VWC2L: variants seen among roughly 807,000 people sequenced by gnomAD.
VWC2L encodes the protein von Willebrand factor C domain containing 2 like.
In VWC2L, 10 loss-of-function variants were observed where a neutral mutation model predicts 21.6. That is an observed-to-expected ratio of 0.46 (90% CI 0.29 to 0.78). The LOEUF is 0.78. Ranked by LOEUF, VWC2L falls within the 30% of genes least tolerant of loss-of-function variation. The probability of loss-of-function intolerance (pLI) is 0.10; values close to 1 mark genes in which losing one functional copy is unlikely to be tolerated. For missense variants in VWC2L, 209 were observed against 277.1 expected, an observed-to-expected ratio of 0.75 and a Z score of 1.74; for synonymous variants, 96 against 94.3, an observed-to-expected ratio of 1.02 and a Z score of -0.10.
intron 3 of VWC2L, among the ~76,000 whole-genome samples, chr2:214,461,808 C>T (rs974578979): frequency 2.0e-5 from 3 of 152,096 alleles, no homozygotes; most frequent in African/African-American, 4.8e-5. Flanking sequence ...GCAGCAGTGG[C>T]GGTATGTGGA....
intron 3 of VWC2L, among the ~76,000 whole-genome samples, chr2:214,498,437 T>A (rs1688841280): frequency 6.6e-6 from 1 of 152,100 alleles, no homozygotes; most frequent in South Asian, 2.1e-4. Flanking sequence ...AGCAGAAAAG[T>A]CACGGTCTCT....
chr2:214,444,177 C>A (rs544449539), intron 3 of VWC2L, among the ~76,000 whole-genome samples: 2 of 152,084 alleles, frequency 1.3e-5, no homozygotes, highest in South Asian at 2.1e-4. Flanking sequence ...TACTTCAAAT[C>A]AATGGGAGAA....
At chr2:214,513,116 G>C (rs1689084186) in intron 3 of VWC2L, among the ~76,000 whole-genome samples, 1 of 152,074 alleles carries the variant, frequency 6.6e-6, no homozygotes, top group Non-Finnish European at 1.5e-5. Flanking sequence ...CTACAAATGA[G>C]GGAAACCTTA....
chr2:214,470,976 T>C (rs1383314593), intron 3 of VWC2L, among the ~76,000 whole-genome samples: 1 of 143,766 alleles, frequency 7.0e-6, no homozygotes, highest in Non-Finnish European at 1.5e-5. Context: ...ATATTAAGAC[T>C]AGGTCAAAAT....
chr2:214,547,427 A>C (rs766810540), intron 3 of VWC2L, among the ~76,000 whole-genome samples: 1 of 152,170 alleles, frequency 6.6e-6, no homozygotes, highest in African/African-American at 2.4e-5. Context: ...GTGCAAGGTA[A>C]AATTTACTAG....
intron 3 of VWC2L, among the ~76,000 whole-genome samples, chr2:214,501,231 G>A (rs1688886115): frequency 6.6e-6 from 1 of 152,028 alleles, no homozygotes; most frequent in Non-Finnish European, 1.5e-5. Flanking sequence ...TTAACCATCG[G>A]AAAAGCCACT....
At chr2:214,489,981 A>C (rs1243380721) in intron 3 of VWC2L, among the ~76,000 whole-genome samples, 1 of 152,220 alleles carries the variant, frequency 6.6e-6, no homozygotes, top group Non-Finnish European at 1.5e-5. Context: ...GGAACTAGTC[A>C]CTGGGTGCAG....
At chr2:214,469,527 A>G (rs906852956) in intron 3 of VWC2L, among the ~76,000 whole-genome samples, 5 of 152,260 alleles carry the variant, frequency 3.3e-5, no homozygotes, top group Non-Finnish European at 5.9e-5. Flanking sequence ...CCTGGGAGGC[A>G]GAGCTTGCAG....
intron 3 of VWC2L, among the ~76,000 whole-genome samples, chr2:214,571,140 G>A (rs1034915627): frequency 5.9e-5 from 9 of 152,140 alleles, no homozygotes; most frequent in African/African-American, 2.2e-4. Flanking sequence ...GCCTCAGTAT[G>A]CAAACACAAA....
chr2:214,466,678 A>G (rs993086946), intron 3 of VWC2L, among the ~76,000 whole-genome samples: 3 of 152,138 alleles, frequency 2.0e-5, no homozygotes, highest in Non-Finnish European at 2.9e-5. Context: ...ATTGTTTTCA[A>G]TCCTATTAAC....
intron 3 of VWC2L, among the ~76,000 whole-genome samples, chr2:214,483,005 A>C (rs1688628187): frequency 6.6e-6 from 1 of 152,092 alleles, no homozygotes; most frequent in Non-Finnish European, 1.5e-5. Flanking sequence ...CTCTCCTTTG[A>C]CCACCAGCAG....
At chr2:214,545,268 T>C (rs1474869861) in intron 3 of VWC2L, among the ~76,000 whole-genome samples, 1 of 152,236 alleles carries the variant, frequency 6.6e-6, no homozygotes, top group Non-Finnish European at 1.5e-5. Flanking sequence ...ACATGTGTTA[T>C]ATCCGCGTGC....
chr2:214,542,178 C>A (rs992595446), intron 3 of VWC2L, among the ~76,000 whole-genome samples: 1 of 152,052 alleles, frequency 6.6e-6, no homozygotes, highest in African/African-American at 2.4e-5. Flanking sequence ...GTGTGCAGTG[C>A]AGTAAAATTT....
intron 3 of VWC2L, among the ~76,000 whole-genome samples, chr2:214,481,481 G>A (rs1439457915): frequency 1.3e-5 from 2 of 152,186 alleles, no homozygotes; most frequent in Admixed American, 1.3e-4. Flanking sequence ...GCTGACAGCT[G>A]ACTGAAGCCT....
At chr2:214,476,710 G>C (rs1174794486) in intron 3 of VWC2L, among the ~76,000 whole-genome samples, 1 of 152,150 alleles carries the variant, frequency 6.6e-6, no homozygotes, top group Non-Finnish European at 1.5e-5. Flanking sequence ...ATTTTGAACA[G>C]AAATCCTATT....
chr2:214,532,852 G>T (rs533846559), intron 3 of VWC2L, among the ~76,000 whole-genome samples: 1 of 152,116 alleles, frequency 6.6e-6, no homozygotes, highest in African/African-American at 2.4e-5. Flanking sequence ...AGACCGGATA[G>T]GAACAGCCAG....
chr2:214,470,690 C>T (rs748883080), intron 3 of VWC2L, among the ~76,000 whole-genome samples: 7 of 152,044 alleles, frequency 4.6e-5, no homozygotes, highest in Admixed American at 6.5e-5. Context: ...AGGTGGATCA[C>T]TTTAGGCCAG....
intron 3 of VWC2L, among the ~76,000 whole-genome samples, chr2:214,461,460 C>T (rs1559297653): frequency 1.3e-5 from 2 of 152,130 alleles, no homozygotes; most frequent in African/African-American, 4.8e-5. Flanking sequence ...TGAGTGTTGG[C>T]AGTAGTGGCA....
At chr2:214,541,912 G>GTT (rs60542340) in intron 3 of VWC2L, among the ~76,000 whole-genome samples, 42,636 of 148,140 alleles carry the variant, frequency 0.29, 6,265 homozygotes, top group East Asian at 0.48. Context: ...ACTGTTTACT[G>GTT]TTTTTTTTTT....
Sources: gnomAD v4.1 joint callset for allele counts (sites outside exome capture counted in the v4.1 genomes callset) on GRCh38, gnomAD v4.1.1 for gene constraint, MANE v1.5 for transcripts, NCBI Gene and HGNC (gene_info 2026-07-23, HGNC 2026-07-21) for gene names.